The following CDK5RAP2 variants were observed in gnomAD, a reference collection of about 807,000 sequenced individuals.
The protein encoded by CDK5RAP2 is CDK5 regulatory subunit associated protein 2.
Under a neutral mutation model 232.9 loss-of-function variants are expected in CDK5RAP2, and 147 were observed. That is an observed-to-expected ratio of 0.63 (90% CI 0.55 to 0.72). The LOEUF (loss-of-function observed/expected upper bound fraction) is 0.72, where lower values mean the gene tolerates loss of function less well. CDK5RAP2 is among the 30% of genes least tolerant of loss of function. The probability of loss-of-function intolerance (pLI) is 0.00; values close to 1 mark genes in which losing one functional copy is unlikely to be tolerated. For synonymous variants in CDK5RAP2, 833 were observed against 833.7 expected (o/e 1.00, Z 0.01); for missense variants, 2,195 against 2,231.5 (o/e 0.98, Z 0.33).
At chr9:120,563,598 C>T (rs1212624246) in intron 3 of CDK5RAP2, among the ~76,000 whole-genome samples, 1 of 152,178 alleles carries the variant, frequency 6.6e-6, no homozygotes, top group Non-Finnish European at 1.5e-5. Context: ...GTAGTAGCCC[C>T]ACTTTACACA....
intron 7 of CDK5RAP2, among the ~76,000 whole-genome samples, chr9:120,533,793 C>T (rs2041263308): frequency 2.6e-5 from 3 of 115,264 alleles, no homozygotes; most frequent in Admixed American, 1.9e-4. Context: ...GTTAAGACTC[C>T]ATCTAAAAAA....
intron 22 of CDK5RAP2, 92 bp from the exon 23 acceptor site, chr9:120,443,834 G>A: frequency 1.3e-6 from 2 of 1,561,496 alleles, no homozygotes; most frequent in South Asian, 1.1e-5. Context: ...AGATACAACA[G>A]GGAAAATAAA....
Position 120,389,024 on chromosome 9 carries a change from C to G in CDK5RAP2, c.*212G>C. 1.7e-6 allele frequency: 1 copy of G among 601,728 alleles called. No individual in the cohort carries two copies. Among genetic ancestry groups the G allele is most frequent in the South Asian group, 2.0e-5 (1 of 48,862 alleles). 37.3% of individuals were successfully genotyped at this position (601,728 alleles called of 1,614,324 possible). On this transcript the variant is annotated 3_prime_UTR_variant, in exon 38 of 38. Transcript: ENST00000349780. ...ATCTGAAATACAACATCCAAGAGCT[C>G]GAGGCCTTTTTACCACCCGTTTGTG...
At chr9:120,557,384 C>T (rs1368621767) in intron 3 of CDK5RAP2, among the ~76,000 whole-genome samples, 2 of 152,276 alleles carry the variant, frequency 1.3e-5, no homozygotes, top group East Asian at 3.9e-4. Context: ...CCATAACCTC[C>T]CTGTGCACTC....
At chr9:120,441,701 T>C (rs2035907214) in intron 23 of CDK5RAP2, among the ~76,000 whole-genome samples, 1 of 152,240 alleles carries the variant, frequency 6.6e-6, no homozygotes, top group Admixed American at 6.5e-5. Flanking sequence ...GGTACACTCT[T>C]GTATCTGTTC....
intron 26 of CDK5RAP2, 48 bp downstream of exon 26, chr9:120,422,645 G>C (rs1360102557): frequency 7.0e-7 from 1 of 1,425,094 alleles, no homozygotes; most frequent in East Asian, 2.3e-5. Context: ...AGGTAAATCA[G>C]ACCTAGAAAG....
At chr9:120,433,160 T>C (rs1310281034) in intron 25 of CDK5RAP2, among the ~76,000 whole-genome samples, 1 of 152,188 alleles carries the variant, frequency 6.6e-6, no homozygotes, top group African/African-American at 2.4e-5. Flanking sequence ...ATCCTGGAAT[T>C]AAATGAACTA....
chr9:120,464,625 A>G (rs2037273109), intron 18 of CDK5RAP2, among the ~76,000 whole-genome samples: 1 of 152,206 alleles, frequency 6.6e-6, no homozygotes, highest in South Asian at 2.1e-4. Context: ...GGCTTACTGG[A>G]CAAGAATCTG....
chr9:120,393,788 C>T (rs151255588), intron 36 of CDK5RAP2, among the ~76,000 whole-genome samples: 16 of 152,336 alleles, frequency 1.1e-4, no homozygotes, highest in South Asian at 2.1e-4. Context: ...CCCTGAGTCT[C>T]GGCATCTGCC....
At chr9:120,524,309 G>C (rs1400790002) in intron 11 of CDK5RAP2, among the ~76,000 whole-genome samples, 3 of 152,134 alleles carry the variant, frequency 2.0e-5, no homozygotes, top group African/African-American at 7.2e-5. Flanking sequence ...CTAACTGTGT[G>C]ACAGTGAATA....
At chr9:120,536,554 C>T (rs758607278) in intron 6 of CDK5RAP2, 28 bp from the exon 7 acceptor site, 124 of 1,607,664 alleles carry the variant, frequency 7.7e-5, no homozygotes, top group Non-Finnish European at 1.0e-4. Context: ...GCATTTGATG[C>T]AATTTTTCAA....
chr9:120,522,446 A>G (rs1189927459), intron 11 of CDK5RAP2, among the ~76,000 whole-genome samples: 1 of 152,144 alleles, frequency 6.6e-6, no homozygotes, highest in Non-Finnish European at 1.5e-5. Flanking sequence ...ATCCTATTTA[A>G]TTTTTTAAAG....
chr9:120,458,017 C>A (rs1262308381), intron 20 of CDK5RAP2, among the ~76,000 whole-genome samples: 1 of 152,166 alleles, frequency 6.6e-6, no homozygotes, highest in Non-Finnish European at 1.5e-5. Flanking sequence ...TGTAGTATCT[C>A]CTCACATAGG....
intron 22 of CDK5RAP2, among the ~76,000 whole-genome samples, chr9:120,444,928 T>C (rs137860105): frequency 7.0e-4 from 106 of 152,302 alleles, no homozygotes; most frequent in African/African-American, 2.4e-3. Context: ...TTAGAGTGTA[T>C]AGCAAGACTC....
At chr9:120,391,363 C>T (rs1162791813) in intron 36 of CDK5RAP2, among the ~76,000 whole-genome samples, 3 of 152,148 alleles carry the variant, frequency 2.0e-5, no homozygotes, top group South Asian at 4.1e-4. Context: ...AGGAACACAG[C>T]GACAAAGGAC....
chr9:120,511,392 TA>T (rs2040075618), intron 12 of CDK5RAP2, among the ~76,000 whole-genome samples: 1 of 152,150 alleles, frequency 6.6e-6, no homozygotes, highest in Non-Finnish European at 1.5e-5. Flanking sequence ...GAAAAGAGAA[TA>T]ATGGGAAACA....
intron 3 of CDK5RAP2, among the ~76,000 whole-genome samples, chr9:120,554,727 G>C (rs185161596): frequency 2.6e-5 from 4 of 151,966 alleles, no homozygotes; most frequent in Non-Finnish European, 5.9e-5. Flanking sequence ...TCCACCTCCC[G>C]GGTTCAAGCC....
intron 23 of CDK5RAP2, among the ~76,000 whole-genome samples, chr9:120,441,457 T>C (rs1054760039): frequency 2.0e-5 from 3 of 152,146 alleles, no homozygotes; most frequent in Admixed American, 2.0e-4. Flanking sequence ...GTCTGGCACA[T>C]AGTAGTGAAG....
chr9:120,469,383 C>T (rs1010895862), intron 17 of CDK5RAP2, among the ~76,000 whole-genome samples: 1 of 152,206 alleles, frequency 6.6e-6, no homozygotes, highest in Non-Finnish European at 1.5e-5. Flanking sequence ...GCCCATACAG[C>T]AACCTTGCAC....
Sources: allele counts gnomAD v4.1 joint callset (sites outside exome capture counted in the v4.1 genomes callset), GRCh38; gene constraint gnomAD v4.1.1; transcripts MANE v1.5; gene names NCBI Gene and HGNC (gene_info 2026-07-23, HGNC 2026-07-21).